The following HKDC1 variants were observed in gnomAD, a reference collection of about 807,000 sequenced individuals.
HKDC1 encodes hexokinase domain containing 1, also known as hexokinase HKDC1.
In HKDC1, 66 loss-of-function variants were observed where a neutral mutation model predicts 96.6. The ratio of observed to expected loss-of-function variants is 0.68; its 90% CI spans 0.56 to 0.84. The LOEUF (loss-of-function observed/expected upper bound fraction) is 0.84. Ranked by LOEUF, HKDC1 falls within the 40% of genes least tolerant of loss-of-function variation. The pLI, the probability that HKDC1 is intolerant of heterozygous loss-of-function variation, is 0.00. For synonymous variants in HKDC1, 466 were observed against 473.1 expected (o/e 0.98, Z 0.20); for missense variants, 1,211 against 1,208.1 (o/e 1.00, Z -0.04).
chr10:69,238,972 A>G, intron 4 of HKDC1, 70 bp from the exon 5 acceptor site: 2 of 1,088,654 alleles, frequency 1.8e-6, no homozygotes, highest in South Asian at 1.4e-5. Context: ...CGTAGGCATG[A>G]AGTTTCTGCG....
At chr10:69,248,977 A>T in intron 10 of HKDC1, 1 of 465,582 alleles carries the variant, frequency 2.1e-6, no homozygotes. Context: ...GTGTGCACTT[A>T]TGTGTGTGTA....
chr10:69,233,908 A>AAAAAAAAAAG (rs1843319425), intron 4 of HKDC1, among the ~76,000 whole-genome samples: 1 of 150,078 alleles, frequency 6.7e-6, no homozygotes, highest in Admixed American at 6.6e-5. Context: ...AAAAAAAAAA[A>AAAAAAAAAAG]AAGGAATGGG....
intron 16 of HKDC1, among the ~76,000 whole-genome samples, chr10:69,261,887 C>T (rs1843815649): frequency 6.6e-6 from 1 of 152,194 alleles, no homozygotes; most frequent in Admixed American, 6.5e-5. Context: ...CTATGAGTTT[C>T]CTGTATTCTA....
intron 7 of HKDC1, 53 bp from the exon 8 acceptor site, chr10:69,246,026 G>A (rs763248633): frequency 6.3e-7 from 1 of 1,597,046 alleles, no homozygotes; most frequent in East Asian, 2.3e-5. Context: ...TTCGGGAAAT[G>A]ATGCAGCTTA....
At chr10:69,244,742 C>T (rs1284934840) in intron 7 of HKDC1, among the ~76,000 whole-genome samples, 1 of 152,102 alleles carries the variant, frequency 6.6e-6, no homozygotes, top group African/African-American at 2.4e-5. Context: ...GGGAGGATCA[C>T]TTGAGCCAGG....
chr10:69,242,739 G>C (rs924775373), intron 6 of HKDC1, among the ~76,000 whole-genome samples: 1 of 152,174 alleles, frequency 6.6e-6, no homozygotes, highest in African/African-American at 2.4e-5. Flanking sequence ...GCTTATGCTA[G>C]AAACAATTTG....
At chr10:69,266,577 AG>A (rs1843902103) in intron 17 of HKDC1, 32 bp from the exon 18 acceptor site, 1 of 1,607,258 alleles carries the variant, frequency 6.2e-7, no homozygotes, top group Admixed American at 1.7e-5. Flanking sequence ...TCTACATGGA[AG>A]GGCTGATGAT....
chr10:69,224,906 G>A (rs896873959), intron 1 of HKDC1, among the ~76,000 whole-genome samples: 5 of 152,164 alleles, frequency 3.3e-5, no homozygotes, highest in African/African-American at 9.7e-5. Context: ...TTAGTGCCTG[G>A]GACGTGTGTC....
intron 6 of HKDC1, among the ~76,000 whole-genome samples, chr10:69,242,289 G>A (rs1375165615): frequency 6.6e-6 from 1 of 152,104 alleles, no homozygotes. Flanking sequence ...CAGATTGGGG[G>A]GGCCACGCCT....
intron 1 of HKDC1, among the ~76,000 whole-genome samples, chr10:69,224,954 A>T (rs974035999): frequency 1.3e-5 from 2 of 152,160 alleles, no homozygotes; most frequent in Non-Finnish European, 2.9e-5. Flanking sequence ...GTTTGGATTG[A>T]AAATAGGTGC....
chr10:69,250,732 C>A, intron 12 of HKDC1, 80 bp downstream of exon 12: 1 of 1,514,176 alleles, frequency 6.6e-7, no homozygotes, highest in Non-Finnish European at 9.0e-7. Context: ...TAACTCCCAG[C>A]CTGCCTTCAT....
At chr10:69,224,125 T>C (rs1843112032) in intron 1 of HKDC1, among the ~76,000 whole-genome samples, 1 of 151,196 alleles carries the variant, frequency 6.6e-6, no homozygotes, top group African/African-American at 2.4e-5. Context: ...GCAGGATCAC[T>C]GGAGCCCGGG....
At chr10:69,236,846 ATATACT>A (rs1025368541) in intron 4 of HKDC1, among the ~76,000 whole-genome samples, 27 of 152,218 alleles carry the variant, frequency 1.8e-4, no homozygotes, top group Non-Finnish European at 3.4e-4. Flanking sequence ...GTCTAGTCAA[ATATACT>A]TATATTTTAT....
At chr10:69,262,140 A>C in intron 16 of HKDC1, 1 of 399,112 alleles carries the variant, frequency 2.5e-6, no homozygotes, top group Non-Finnish European at 5.0e-6. Context: ...TGCAGTTATT[A>C]GCTGGAATAC....
intron 14 of HKDC1, among the ~76,000 whole-genome samples, chr10:69,258,027 G>A (rs754760139): frequency 1.3e-4 from 20 of 152,212 alleles, no homozygotes; most frequent in Non-Finnish European, 1.3e-4. Flanking sequence ...GCTAAGTAAT[G>A]ATAGAACCTA....
chr10:69,262,921 CT>C (rs71035084), intron 16 of HKDC1, among the ~76,000 whole-genome samples: 13,286 of 145,558 alleles, frequency 0.091, 963 homozygotes, highest in East Asian at 0.38. Flanking sequence ...CTTTGCCTTG[CT>C]TTTTTTTTTT....
chr10:69,226,532 G>A (rs1364985831), intron 1 of HKDC1, among the ~76,000 whole-genome samples: 2 of 152,052 alleles, frequency 1.3e-5, no homozygotes. Flanking sequence ...GCACCTGCCT[G>A]TAATACTAGC....
chr10:69,250,028 G>T (rs1159002689), intron 10 of HKDC1, among the ~76,000 whole-genome samples: 1 of 152,156 alleles, frequency 6.6e-6, no homozygotes, highest in Non-Finnish European at 1.5e-5. Flanking sequence ...CTCTTTTCAC[G>T]GCACCTCACT....
intron 1 of HKDC1, among the ~76,000 whole-genome samples, chr10:69,221,573 T>G (rs1843064433): frequency 6.6e-6 from 1 of 152,152 alleles, no homozygotes; most frequent in Admixed American, 6.5e-5. Flanking sequence ...AAATCCAAGT[T>G]GGCTGACTCT....
Sources: allele counts gnomAD v4.1 joint callset (sites outside exome capture counted in the v4.1 genomes callset), GRCh38; gene constraint gnomAD v4.1.1; transcripts MANE v1.5; gene names NCBI Gene and HGNC (gene_info 2026-07-23, HGNC 2026-07-21).